The following CLIC1 variants were observed in gnomAD, a reference collection of about 807,000 sequenced individuals.
CLIC1 encodes CLIC family member 1.
Under a neutral mutation model 26.4 loss-of-function variants are expected in CLIC1, and 16 were observed. The observed-to-expected ratio is 0.61, with a 90% CI of 0.41 to 0.92. The LOEUF is 0.92. Ranked by LOEUF, CLIC1 falls within the 40% of genes least tolerant of loss-of-function variation. CLIC1 has a pLI of 0.00. For missense variants in CLIC1, 225 were observed against 289.7 expected (o/e 0.78, Z 1.62); for synonymous variants, 98 against 120.8 (o/e 0.81, Z 1.24).
chr6:31,731,644 T>C (rs1029924864), intron 5 of CLIC1, among the ~76,000 whole-genome samples: 2 of 152,200 alleles, frequency 1.3e-5, no homozygotes, highest in Admixed American at 6.5e-5. Flanking sequence ...CATGTGAATA[T>C]TTTATTGTCT....
At chr6:31,731,615 A>T (rs770032633) in intron 5 of CLIC1, among the ~76,000 whole-genome samples, 1 of 152,236 alleles carries the variant, frequency 6.6e-6, no homozygotes, top group Non-Finnish European at 1.5e-5. Context: ...CTGACTTTTC[A>T]TCATATATTC....
intron 5 of CLIC1, among the ~76,000 whole-genome samples, chr6:31,731,559 C>T (rs1209668246): frequency 2.0e-5 from 3 of 152,248 alleles, no homozygotes; most frequent in Non-Finnish European, 4.4e-5. Flanking sequence ...GCCTTGGCCG[C>T]CCAAAGTGTT....
Position 31,732,561 on chromosome 6 carries a change from T to A in CLIC1, c.383-163A>T, listed in dbSNP as rs929840951. ...TCTAAGCACTTTACATTTTATTTTA[T>A]GTTAGACGGAGTCTTGCTCCGTTGC... On this transcript the variant is annotated intron_variant, in intron 4 of 5. Transcript: ENST00000375784. The surrounding 1 kb of genome is among the most constrained non-coding windows in gnomAD (Gnocchi z 5.0). Among the ~76,000 whole-genome samples, 1 of 152,182 alleles carries A rather than the reference T, an allele frequency of 6.6e-6. No individual in the cohort carries two copies. Among genetic ancestry groups the A allele is most frequent in the African/African-American group, 2.4e-5 (1 of 41,462 alleles).
At chr6:31,735,041 C>T (rs893460655) in intron 1 of CLIC1, among the ~76,000 whole-genome samples, 1 of 151,750 alleles carries the variant, frequency 6.6e-6, no homozygotes, top group African/African-American at 2.4e-5. Context: ...AAAATAGCCC[C>T]GGAGGCGAAT....
At chr6:31,731,645 TTTA>T (rs1254221521) in intron 5 of CLIC1, among the ~76,000 whole-genome samples, 1 of 152,202 alleles carries the variant, frequency 6.6e-6, no homozygotes, top group African/African-American at 2.4e-5. Flanking sequence ...ATGTGAATAT[TTTA>T]TTGTCTCAGA....
At position 31,736,377 on chromosome 6, in the gene CLIC1, A is replaced by G. The variant is rs907047799; in HGVS notation, c.-77T>C. 9 of 1,609,338 alleles carry G rather than the reference A, an allele frequency of 5.6e-6. No individual in the cohort carries two copies. The highest frequency in any genetic ancestry group is 1.7e-5 in the Admixed American group (1 of 59,792). On this transcript the variant is annotated 5_prime_UTR_variant, in exon 1 of 6. Coordinates refer to ENST00000375784, the Ensembl canonical transcript of CLIC1. This position sits in a 1 kb window ranked among gnomAD's most constrained non-coding sequence, Gnocchi z 5.0. ...TGGGACCGGGGAAGGCGGGTCTCAC[A>G]CTCAGGGACTCTCTCCCCTAGACCC...
chr6:31,732,327 C>G lies in CLIC1; in HGVS notation c.454G>C (p.Val152Leu), dbSNP rs140426940. 1.3e-5 allele frequency: 21 copies of G among 1,595,506 alleles called. No homozygotes were observed. In the African/African-American group the frequency reaches 2.7e-4, roughly 20 times the overall value. ...TCATCTTCAGCACTGGTTTCATCCA[C>G]TTCTTCTGGGAGGGGGGATGTTAAG... Residue 152 changes from valine to leucine, a missense_variant, in exon 5 of 6, where the codon GTG becomes CTG. Coordinates refer to ENST00000375784, the Ensembl canonical transcript of CLIC1. The surrounding 1 kb of genome is among the most constrained non-coding windows in gnomAD (Gnocchi z 5.0).
At chr6:31,735,743 C>G (rs1808282327) in intron 1 of CLIC1, among the ~76,000 whole-genome samples, 2 of 150,292 alleles carry the variant, frequency 1.3e-5, no homozygotes, top group Admixed American at 1.3e-4. Context: ...CCAAAGCTTC[C>G]CAATTTACTT....
In CLIC1 at chr6:31,733,129, GA is replaced by G. The variant is rs200203387; in HGVS notation, c.382+436del. The stretch of plus-strand genomic sequence containing the variant: ...AACGAGACTCCATCTCAAAAAAAAA[GA>G]AAAAAAAAAATTTATATCAACCCAT... On this transcript the variant is annotated intron_variant, in intron 4 of 5. Coordinates refer to ENST00000375784, the Ensembl canonical transcript of CLIC1. This position sits in a 1 kb window ranked among gnomAD's most constrained non-coding sequence, Gnocchi z 5.4. Among the ~76,000 whole-genome samples, 21,933 of 146,484 alleles carry G rather than the reference GA, an allele frequency of 0.15. 1,855 individuals are homozygous for G. Among genetic ancestry groups the G allele is most frequent in the Admixed American group, 0.2 (3,029 of 14,814 alleles).
chr6:31,732,512 T>A lies in CLIC1; in HGVS notation c.383-114A>T. 1.7e-6 allele frequency: 1 copy of A among 595,620 alleles called. No homozygotes were observed. Among genetic ancestry groups the A allele is most frequent in the Non-Finnish European group, 2.7e-6 (1 of 375,590 alleles). 36.9% of individuals were successfully genotyped at this position (595,620 alleles called of 1,614,324 possible). A position where few individuals can be genotyped will look rare whatever the true frequency, so the allele number is the denominator to read the frequency against. ...CCAAAATAATAATAGCTAACACTCA[T>A]GTAGTTACTTTTCTATGTGTTATTC... On this transcript the variant is annotated intron_variant, in intron 4 of 5. Coordinates refer to ENST00000375784, the Ensembl canonical transcript of CLIC1. This position sits in a 1 kb window ranked among gnomAD's most constrained non-coding sequence, Gnocchi z 5.0.
chr6:31,735,504 G>C (rs1404425597), intron 1 of CLIC1, among the ~76,000 whole-genome samples: 1 of 151,540 alleles, frequency 6.6e-6, no homozygotes, highest in Non-Finnish European at 1.5e-5. Flanking sequence ...GTTGGGGCAA[G>C]TCTTCTACTT....
In CLIC1 at chr6:31,734,273, A is replaced by G; in HGVS notation, c.40-10T>C. 6.2e-7 allele frequency: 1 copy of G among 1,609,558 alleles called. No homozygotes were observed. Among genetic ancestry groups the G allele is most frequent in the Non-Finnish European group, 8.5e-7 (1 of 1,176,056 alleles). On this transcript the variant is annotated splice_polypyrimidine_tract_variant and intron_variant, in intron 1 of 5. Transcript: ENST00000375784. The surrounding 1 kb of genome is among the most constrained non-coding windows in gnomAD (Gnocchi z 5.3). ...CCCCATCACTGCCAGCCTGAAAAGT[A>G]ACCCCAACCCAAGGTTATGCCTGAT...
Position 31,734,059 on chromosome 6 carries a change from A to G in CLIC1, c.149+95T>C. Reference sequence around the variant, plus strand: ...GGGATAAGAAAGGGACTCCAGGGGGAGGGCAAAAATGTTCATGACAGAAGG... The same window carrying G: ...GGGATAAGAAAGGGACTCCAGGGGGGGGGCAAAAATGTTCATGACAGAAGG... On this transcript the variant is annotated intron_variant, in intron 2 of 5. Transcript: ENST00000375784. The surrounding 1 kb of genome is among the most constrained non-coding windows in gnomAD (Gnocchi z 5.3). 6.3e-7 allele frequency: 1 copy of G among 1,579,598 alleles called. No individual in the cohort carries two copies.
At chr6:31,735,999 T>A (rs2151321065) in intron 1 of CLIC1, among the ~76,000 whole-genome samples, 1 of 152,228 alleles carries the variant, frequency 6.6e-6, no homozygotes, top group Non-Finnish European at 1.5e-5. Context: ...TTTTGGGAAT[T>A]CTCCTTTTTC....
rs1265635915 is a variant in CLIC1 at position 31,734,113 on chromosome 6, G to T, written c.149+41C>A. The T allele has an allele frequency of 6.3e-7, 1 of 1,585,890 alleles. No individual in the cohort carries two copies. Among genetic ancestry groups the T allele is most frequent in the Non-Finnish European group, 8.7e-7 (1 of 1,154,494 alleles). On this transcript the variant is annotated intron_variant, in intron 2 of 5. Coordinates refer to ENST00000375784, the Ensembl canonical transcript of CLIC1. This position sits in a 1 kb window ranked among gnomAD's most constrained non-coding sequence, Gnocchi z 5.3. ...CGGGTGGGTGTGTGTTTGCACACATGTGTACACCAGGGGTGTTTCAAGGAA... is the reference window on the plus strand; with the variant it reads ...CGGGTGGGTGTGTGTTTGCACACATTTGTACACCAGGGGTGTTTCAAGGAA...
rs933164446 is a variant in CLIC1 at position 31,734,533 on chromosome 6, G to T, written c.40-270C>A. On this transcript the variant is annotated intron_variant, in intron 1 of 5. Transcript: ENST00000375784. The surrounding 1 kb of genome is among the most constrained non-coding windows in gnomAD (Gnocchi z 5.3). The stretch of plus-strand genomic sequence containing the variant: ...GAGGAGGTCCTGGAGAACTTGGGAG[G>T]ATCTGAATCCTAGAGAGGGAAGGGT... 4.6e-5 allele frequency among the ~76,000 whole-genome samples: 7 copies of T among 152,218 alleles called. No homozygotes were observed. The highest frequency in any genetic ancestry group is 1.7e-4 in the African/African-American group (7 of 41,462).
Position 31,730,935 on chromosome 6 carries a change from G to T in CLIC1, c.633C>A (p.Ser211Arg), listed in dbSNP as rs942057734. ...CGAATTCTTCCCGGGCGTAGGCATT[G>T]CTCAAGTACCGATGCACTCCCCGGA... is the stretch of plus-strand genomic sequence containing the variant. The change falls in exon 6 of 6, where the codon AGC (serine) becomes AGA (arginine). Residue 211 changes from serine to arginine, a missense_variant. Transcript: ENST00000375784. The surrounding 1 kb of genome is among the most constrained non-coding windows in gnomAD (Gnocchi z 5.1). 1.2e-6 allele frequency: 2 copies of T among 1,613,054 alleles called. No homozygotes were observed.
At position 31,732,950 on chromosome 6, in the gene CLIC1, TG is replaced by T. The variant is rs1329756298; in HGVS notation, c.383-553del. ...CAGCCTGGCCAACATGGTGAAACCC[TG>T]TCTCTACTAAAAATACAAAAATTAG... On this transcript the variant is annotated intron_variant, in intron 4 of 5. Transcript: ENST00000375784. This position sits in a 1 kb window ranked among gnomAD's most constrained non-coding sequence, Gnocchi z 5.0. 7.3e-5 allele frequency among the ~76,000 whole-genome samples: 11 copies of T among 151,678 alleles called. No homozygotes were observed. The highest frequency in any genetic ancestry group is 2.7e-4 in the African/African-American group (11 of 41,418).
chr6:31,732,342 G>A lies in CLIC1; in HGVS notation c.439C>T (p.Pro147Ser). 1.9e-6 allele frequency: 3 copies of A among 1,593,834 alleles called. No individual in the cohort carries two copies. The highest frequency in any genetic ancestry group is 2.6e-6 in the Non-Finnish European group (3 of 1,170,856). ...GTTTCATCCACTTCTTCTGGGAGGG[G>A]GGATGTTAAGTAATTGTCTAAAACC... Residue 147 changes from proline to serine, a missense_variant, in exon 5 of 6, where the codon CCC becomes TCC. Pro to Ser is a moderately conservative substitution (Grantham distance 74, BLOSUM62 -1). Transcript: ENST00000375784. The surrounding 1 kb of genome is among the most constrained non-coding windows in gnomAD (Gnocchi z 5.0).
Sources: gnomAD v4.1 joint callset for allele counts (sites outside exome capture counted in the v4.1 genomes callset) on GRCh38, gnomAD v4.1.1 for gene constraint, Gnocchi (gnomAD v3.1) non-coding constraint, MANE v1.5 for transcripts, NCBI Gene and HGNC (gene_info 2026-07-23, HGNC 2026-07-21) for gene names.